Variants in TES observed in about 807,000 individuals in gnomAD.
TES encodes the protein testin LIM domain protein, also known as testin.
A neutral mutation model predicts 48.2 loss-of-function variants in TES; 41 were observed. That is an observed-to-expected ratio of 0.85 (90% CI 0.66 to 1.10). The LOEUF (loss-of-function observed/expected upper bound fraction) is 1.10. Ranked by LOEUF, TES falls within the 50% of genes least tolerant of loss-of-function variation. TES has a pLI of 0.00. For synonymous variants in TES, 162 were observed against 174.9 expected, an observed-to-expected ratio of 0.93 and a Z score of 0.58; for missense variants, 463 against 515.1, an observed-to-expected ratio of 0.90 and a Z score of 0.98.
chr7:116,249,292 G>T lies in TES; in HGVS notation c.366+20G>T, dbSNP rs1799970533. The T allele has an allele frequency of 6.2e-7, 1 of 1,613,476 alleles. No individual in the cohort carries two copies. Among genetic ancestry groups the T allele is most frequent in the Non-Finnish European group, 8.5e-7 (1 of 1,179,870 alleles). Reference sequence around the variant, plus strand: ...GCATTGGTAAATGATATGGAACAGAGAGTTTCTTTATTGAAGTTCCTGGAG... The same window carrying T: ...GCATTGGTAAATGATATGGAACAGATAGTTTCTTTATTGAAGTTCCTGGAG... On this transcript the variant is annotated intron_variant, in intron 3 of 6. Coordinates refer to ENST00000358204, the MANE Select transcript of TES (RefSeq NM_015641.4).
intron 6 of TES, among the ~76,000 whole-genome samples, chr7:116,254,747 A>AAT (rs901786807): frequency 1.3e-4 from 14 of 109,076 alleles, no homozygotes; most frequent in East Asian, 1.2e-3. Flanking sequence ...TCTCAAAAAA[A>AAT]ATATATATAT....
chr7:116,225,785 T>C (rs1263776026), intron 1 of TES, among the ~76,000 whole-genome samples: 1 of 152,232 alleles, frequency 6.6e-6, no homozygotes, highest in Non-Finnish European at 1.5e-5. Context: ...CTATAATATT[T>C]GGTCTTCAGT....
chr7:116,229,231 C>G (rs1799666450), intron 1 of TES, among the ~76,000 whole-genome samples: 1 of 151,882 alleles, frequency 6.6e-6, no homozygotes, highest in Admixed American at 6.6e-5. Context: ...TAAATAACAC[C>G]TTCCCTATTT....
At chr7:116,240,386 T>C (rs58770000) in intron 2 of TES, among the ~76,000 whole-genome samples, 3,027 of 152,214 alleles carry the variant, frequency 0.02, 99 homozygotes, top group African/African-American at 0.068. Flanking sequence ...AATGTAAATA[T>C]GTTTATTTGT....
intron 1 of TES, 53 bp from the exon 2 acceptor site, chr7:116,234,481 T>G: frequency 2.7e-6 from 4 of 1,494,042 alleles, no homozygotes; most frequent in Non-Finnish European, 3.7e-6. Flanking sequence ...TTATTGAATT[T>G]TTAGATTTGT....
At chr7:116,236,066 G>C (rs1374971789) in intron 2 of TES, among the ~76,000 whole-genome samples, 1 of 151,966 alleles carries the variant, frequency 6.6e-6, no homozygotes, top group African/African-American at 2.4e-5. Context: ...TCTCTTCAAG[G>C]GACATAGAAG....
chr7:116,247,391 G>C (rs1799941002), intron 2 of TES, among the ~76,000 whole-genome samples: 1 of 151,862 alleles, frequency 6.6e-6, no homozygotes, highest in African/African-American at 2.4e-5. Flanking sequence ...TAATTTTTGT[G>C]GTTTTATTTA....
intron 1 of TES, among the ~76,000 whole-genome samples, chr7:116,227,824 G>C (rs772153450): frequency 1.7e-4 from 26 of 152,004 alleles, no homozygotes; most frequent in Non-Finnish European, 2.9e-4. Flanking sequence ...TATTAAAGAA[G>C]TCTTAGTAAT....
chr7:116,220,585 A>G (rs1038830060), intron 1 of TES, among the ~76,000 whole-genome samples: 1 of 152,208 alleles, frequency 6.6e-6, no homozygotes, highest in Non-Finnish European at 1.5e-5. Flanking sequence ...GTAAATGTTT[A>G]GAACAGTGCC....
chr7:116,256,713 T>G (rs1215597001), intron 6 of TES, among the ~76,000 whole-genome samples: 2 of 152,228 alleles, frequency 1.3e-5, no homozygotes, highest in Admixed American at 1.3e-4. Flanking sequence ...AGATTACACA[T>G]AAATTATGAC....
intron 1 of TES, among the ~76,000 whole-genome samples, chr7:116,221,481 G>C (rs1045494539): frequency 6.6e-6 from 1 of 152,164 alleles, no homozygotes; most frequent in South Asian, 2.1e-4. Flanking sequence ...TTTGAATCTG[G>C]ACTGCTTTCT....
intron 6 of TES, among the ~76,000 whole-genome samples, chr7:116,253,781 T>C (rs1237514078): frequency 1.3e-5 from 2 of 152,128 alleles, no homozygotes; most frequent in Non-Finnish European, 2.9e-5. Flanking sequence ...CGGAACACCT[T>C]TCCTGATTCA....
At chr7:116,213,036 C>T (rs1283142698) in intron 1 of TES, among the ~76,000 whole-genome samples, 1 of 152,094 alleles carries the variant, frequency 6.6e-6, no homozygotes, top group Non-Finnish European at 1.5e-5. Flanking sequence ...TTGTGAGTCC[C>T]TTAATAGGCT....
chr7:116,248,440 C>T (rs187514195), intron 2 of TES, among the ~76,000 whole-genome samples: 8 of 152,198 alleles, frequency 5.3e-5, no homozygotes, highest in East Asian at 3.9e-4. Flanking sequence ...CCCTTTTCTC[C>T]GCAACATCTG....
At chr7:116,213,794 C>T (rs980237370) in intron 1 of TES, among the ~76,000 whole-genome samples, 2 of 151,748 alleles carry the variant, frequency 1.3e-5, no homozygotes, top group South Asian at 4.1e-4. Context: ...CACATCTAGA[C>T]CTCTTTCTTA....
At chr7:116,241,196 A>G (rs1042217739) in intron 2 of TES, among the ~76,000 whole-genome samples, 1 of 152,212 alleles carries the variant, frequency 6.6e-6, no homozygotes, top group African/African-American at 2.4e-5. Context: ...ATTGCTTCCA[A>G]ATGACTTTGA....
chr7:116,251,342 C>T (rs1174382827), intron 4 of TES, among the ~76,000 whole-genome samples: 1 of 152,122 alleles, frequency 6.6e-6, no homozygotes, highest in Non-Finnish European at 1.5e-5. Context: ...GAAATTATGT[C>T]TCTTCAAAGT....
chr7:116,216,553 A>G lies in TES; in HGVS notation c.27+5819A>G, dbSNP rs532694532. Reference sequence around the variant, plus strand: ...ATAATATCAGTAGTCTACCATGTGTAATGTTCCACAGTGCTTTAAAATCAC... The same window carrying G: ...ATAATATCAGTAGTCTACCATGTGTGATGTTCCACAGTGCTTTAAAATCAC... On this transcript the variant is annotated intron_variant, in intron 1 of 6. Transcript: ENST00000358204. 1.2e-4 allele frequency among the ~76,000 whole-genome samples: 19 copies of G among 152,250 alleles called. No individual in the cohort carries two copies. In the South Asian group the frequency reaches 1.7e-3, roughly 13 times the overall value.
intron 2 of TES, among the ~76,000 whole-genome samples, chr7:116,236,144 A>C (rs1204786829): frequency 6.6e-6 from 1 of 152,204 alleles, no homozygotes; most frequent in East Asian, 1.9e-4. Flanking sequence ...CATGAATTAG[A>C]ACATCTCTGC....
Sources: gnomAD v4.1 joint callset for allele counts (sites outside exome capture counted in the v4.1 genomes callset) on GRCh38, gnomAD v4.1.1 for gene constraint, MANE v1.5 for transcripts, NCBI Gene and HGNC (gene_info 2026-07-23, HGNC 2026-07-21) for gene names.